TMEM109: variants seen among roughly 807,000 people sequenced by gnomAD.
TMEM109 encodes the protein voltage-gated monoatomic cation channel TMEM109.
TMEM109 carries 19 observed loss-of-function variants against 26.4 expected under a neutral mutation model. The ratio of observed to expected loss-of-function variants is 0.72; its 90% CI spans 0.50 to 1.06. The LOEUF (loss-of-function observed/expected upper bound fraction) is 1.06. Ranked by LOEUF, TMEM109 falls within the 50% of genes least tolerant of loss-of-function variation. The pLI, the probability that TMEM109 is intolerant of heterozygous loss-of-function variation, is 0.00. For missense variants in TMEM109, 262 were observed against 303.4 expected (o/e 0.86, Z 1.01); for synonymous variants, 129 against 142.0 (o/e 0.91, Z 0.65).
In TMEM109 at chr11:60,922,224, T is replaced by TGCAGCCCTCCTG; in HGVS notation, c.*60_*71dup. Reference sequence around the variant, plus strand: ...AAAGAGCTGAGCTGCTTCGGGGCCATGCAGCCCTCCTGCCAGCCCCCTGCC... The same window carrying TGCAGCCCTCCTG: ...AAAGAGCTGAGCTGCTTCGGGGCCATGCAGCCCTCCTGGCAGCCCTCCTGCCAGCCCCCTGCC... On this transcript the variant is annotated 3_prime_UTR_variant, in exon 4 of 4. Transcript: ENST00000227525. The TGCAGCCCTCCTG allele has an allele frequency of 6.4e-7, 1 of 1,550,732 alleles. No individual in the cohort carries two copies. Among genetic ancestry groups the TGCAGCCCTCCTG allele is most frequent in the Non-Finnish European group, 8.7e-7 (1 of 1,147,286 alleles).
chr11:60,922,005 C>T lies in TMEM109; in HGVS notation c.572C>T (p.Ala191Val), dbSNP rs757792194. 2 of 1,613,302 alleles carry T rather than the reference C, an allele frequency of 1.2e-6. No individual in the cohort carries two copies. Among genetic ancestry groups the T allele is most frequent in the African/African-American group, 1.3e-5 (1 of 75,078 alleles). The part of the protein sequence containing the change: ...DPSTRALLLL[A>V]LLILYALLSR... ...TCCACCCGGGCCCTGCTACTCCTGG[C>T]CTTGCTGATCCTCTACGCCCTGCTG... is the stretch of plus-strand genomic sequence containing the variant. The change falls in exon 4 of 4, where the codon GCC becomes GTC. Residue 191 changes from alanine (A) to valine (V), a missense_variant. Coordinates refer to ENST00000227525, the MANE Select transcript of TMEM109 (RefSeq NM_024092.3).
chr11:60,917,991 C>T (rs1856190799), intron 1 of TMEM109, among the ~76,000 whole-genome samples: 1 of 152,154 alleles, frequency 6.6e-6, no homozygotes, highest in Non-Finnish European at 1.5e-5. Context: ...ACTTCTGAGA[C>T]TTAGTTGGAG....
chr11:60,915,960 A>C (rs1207629562), intron 1 of TMEM109, among the ~76,000 whole-genome samples: 3 of 152,080 alleles, frequency 2.0e-5, no homozygotes, highest in African/African-American at 7.2e-5. Flanking sequence ...TTGGTACAAA[A>C]CCATGGCCTG....
intron 1 of TMEM109, among the ~76,000 whole-genome samples, chr11:60,917,186 C>A (rs945237425): frequency 6.6e-6 from 1 of 152,210 alleles, no homozygotes; most frequent in African/African-American, 2.4e-5. Flanking sequence ...AGAACCCTTT[C>A]CTAGACTCTC....
In TMEM109 at chr11:60,917,390, T is replaced by C. The variant is rs565363505; in HGVS notation, c.-8-2296T>C. On this transcript the variant is annotated intron_variant, in intron 1 of 3. Transcript: ENST00000227525. ...CATGAAAACTCCTGGAGCTACAGGT[T>C]CATTTCTGAACCTGGAGGGGAACAG... is the stretch of plus-strand genomic sequence containing the variant. Among the ~76,000 whole-genome samples, 12 of 152,280 alleles carry C rather than the reference T, an allele frequency of 7.9e-5. No individual in the cohort carries two copies. In the South Asian group the frequency reaches 2.5e-3, roughly 32 times the overall value.
At position 60,919,885 on chromosome 11, in the gene TMEM109, A is replaced by C. The variant is rs1362499871; in HGVS notation, c.192A>C (p.Thr64=). Residue 64 remains threonine (T), a synonymous_variant, in exon 2 of 4, where the codon ACA becomes ACC. Coordinates refer to ENST00000227525, the MANE Select transcript of TMEM109 (RefSeq NM_024092.3). ...AGATAGGTCGATCTGTGCGAGGGAC[A>C]CTGGATGCCTGGATTGGGCCAGAGA... ...LTQIGRSVRG[T]LDAWIGPETM... is the part of the protein sequence containing the mutation. 6.2e-7 allele frequency: 1 copy of C among 1,614,218 alleles called. No individual in the cohort carries two copies. Among genetic ancestry groups the C allele is most frequent in the African/African-American group, 1.3e-5 (1 of 75,046 alleles).
intron 1 of TMEM109, among the ~76,000 whole-genome samples, chr11:60,917,000 G>T (rs1047372231): frequency 2.0e-5 from 3 of 152,064 alleles, no homozygotes; most frequent in Admixed American, 6.5e-5. Context: ...TGCGACCACT[G>T]GCAGGCAGGA....
In TMEM109 at chr11:60,922,034, C is replaced by T. The variant is rs746266349; in HGVS notation, c.601C>T (p.Arg201Trp). The change falls in exon 4 of 4, where the codon CGG (arginine) becomes TGG (tryptophan). Residue 201 changes from arginine (R) to tryptophan (W), a missense_variant. Transcript: ENST00000227525. ...GCTGATCCTCTACGCCCTGCTGAGC[C>T]GGCTCACTGGCTCCCGAGCCTCTGG... is the stretch of plus-strand genomic sequence containing the variant. ...ALLILYALLSRLTGSRASGAQ... is the reference protein window; with the variant it reads ...ALLILYALLSWLTGSRASGAQ... The T allele has an allele frequency of 2.4e-5, 38 of 1,612,652 alleles. No individual in the cohort carries two copies. The highest frequency in any genetic ancestry group is 1.2e-4 in the Admixed American group (7 of 60,010).
At chr11:60,916,059 G>C (rs1476630184) in intron 1 of TMEM109, among the ~76,000 whole-genome samples, 1 of 152,150 alleles carries the variant, frequency 6.6e-6, no homozygotes, top group East Asian at 1.9e-4. Flanking sequence ...GTGAACTTCA[G>C]CTCCATGAGG....
In TMEM109 at chr11:60,920,916, TCA is replaced by T. The variant is rs1856229183; in HGVS notation, c.269_270del (p.Ser90CysfsTer25). ...SSSQVLWAISSAISVAFFALS... is the reference protein window; with the variant it reads ...SSSQVLWAISXAISVAFFALS... ...GTCCCAAGTGTTGTGGGCCATCTCA[TCA>T]GCCATTTCTGTGGCCTTCTTTGCTC... On this transcript the variant is annotated frameshift_variant, in exon 3 of 4. Coordinates refer to ENST00000227525, the MANE Select transcript of TMEM109 (RefSeq NM_024092.3). LOFTEE classifies it high-confidence loss of function. 6.2e-7 allele frequency: 1 copy of T among 1,614,062 alleles called. No homozygotes were observed. Among genetic ancestry groups the T allele is most frequent in the Non-Finnish European group, 8.5e-7 (1 of 1,180,014 alleles).
At chr11:60,916,754 T>C (rs900116117) in intron 1 of TMEM109, among the ~76,000 whole-genome samples, 1 of 152,172 alleles carries the variant, frequency 6.6e-6, no homozygotes, top group African/African-American at 2.4e-5. Flanking sequence ...CTAGCTCCCC[T>C]TAACTGGGGC....
chr11:60,917,665 G>A (rs957287368), intron 1 of TMEM109, among the ~76,000 whole-genome samples: 4 of 152,028 alleles, frequency 2.6e-5, no homozygotes, highest in Admixed American at 2.6e-4. Flanking sequence ...TCTGTTGTGT[G>A]ACTTTTTTTT....
chr11:60,918,709 G>C (rs1268335429), intron 1 of TMEM109: 1 of 151,906 alleles, frequency 6.6e-6, no homozygotes, highest in African/African-American at 2.4e-5. Context: ...TGGACTGGGA[G>C]CTCCCAGGCT....
intron 1 of TMEM109, among the ~76,000 whole-genome samples, chr11:60,915,950 T>C (rs1856170404): frequency 6.6e-6 from 1 of 152,168 alleles, no homozygotes; most frequent in South Asian, 2.1e-4. Context: ...CTCATACCTC[T>C]TGGTACAAAA....
In TMEM109 at chr11:60,921,781, C is replaced by T. The variant is rs757035036; in HGVS notation, c.348C>T (p.Tyr116=). 6.2e-6 allele frequency: 10 copies of T among 1,608,432 alleles called. No individual in the cohort carries two copies. Among genetic ancestry groups the T allele is most frequent in the African/African-American group, 2.7e-5 (2 of 74,820 alleles). ...LLNALGLAGD[Y]LAQGLKLSPG... The stretch of plus-strand genomic sequence containing the variant: ...GACTCTCTTGGCTTCCAGGTGATTA[C>T]CTCGCCCAGGGCCTGAAGCTCAGCC... The change falls in exon 4 of 4, where the codon TAC becomes TAT. Residue 116 remains tyrosine (Y), a synonymous_variant. Transcript: ENST00000227525.
intron 1 of TMEM109, 35 bp from the exon 2 acceptor site, chr11:60,919,651 A>G (rs1336452836): frequency 2.6e-6 from 4 of 1,545,176 alleles, no homozygotes; most frequent in Non-Finnish European, 3.6e-6. Flanking sequence ...TGTGTCTACC[A>G]TGGCACTCAG....
chr11:60,918,968 A>T (rs1156639658), intron 1 of TMEM109: 1 of 152,556 alleles, frequency 6.6e-6, no homozygotes, highest in Non-Finnish European at 1.5e-5. Context: ...GTGAGCAGCC[A>T]TGGTTGAGAC....
At chr11:60,916,933 G>A (rs901379423) in intron 1 of TMEM109, among the ~76,000 whole-genome samples, 1 of 152,196 alleles carries the variant, frequency 6.6e-6, no homozygotes, top group Non-Finnish European at 1.5e-5. Flanking sequence ...GCTCTTTTAA[G>A]TCCCCAACAT....
intron 1 of TMEM109, 52 bp from the exon 2 acceptor site, chr11:60,919,634 G>T: frequency 7.0e-7 from 1 of 1,418,534 alleles, no homozygotes; most frequent in African/African-American, 1.4e-5. Context: ...AGAGCTGAGA[G>T]GGTGAGTGTG....
Sources: allele counts gnomAD v4.1 joint callset (sites outside exome capture counted in the v4.1 genomes callset), GRCh38; gene constraint gnomAD v4.1.1; transcripts MANE v1.5; gene names NCBI Gene and HGNC (gene_info 2026-07-23, HGNC 2026-07-21).